The following PTPRO variants were observed in gnomAD, a reference collection of about 807,000 sequenced individuals.
PTPRO encodes the protein receptor-type tyrosine-protein phosphatase O.
A neutral mutation model predicts 145.2 loss-of-function variants in PTPRO; 62 were observed. The observed-to-expected ratio is 0.43, with a 90% confidence interval of 0.35 to 0.53. PTPRO has a LOEUF of 0.53. PTPRO is among the 20% of genes least tolerant of loss of function. The pLI, the probability that PTPRO is intolerant of heterozygous loss-of-function variation, is 0.01. For missense variants in PTPRO, 1,345 were observed against 1,482.7 expected (o/e 0.91, Z 1.53); for synonymous variants, 565 against 514.7 (o/e 1.10, Z -1.32).
intron 12 of PTPRO, among the ~76,000 whole-genome samples, chr12:15,538,204 A>G (rs1943105014): frequency 1.3e-5 from 2 of 149,846 alleles, no homozygotes; most frequent in African/African-American, 4.9e-5. Context: ...TGGTTTGTCA[A>G]CTGCCCAGAG....
chr12:15,364,153 A>C (rs1370488118), intron 1 of PTPRO, among the ~76,000 whole-genome samples: 1 of 152,200 alleles, frequency 6.6e-6, no homozygotes, highest in Non-Finnish European at 1.5e-5. Context: ...TATGATGTAT[A>C]AAATATTTTG....
At chr12:15,411,273 T>C (rs1939790823) in intron 1 of PTPRO, among the ~76,000 whole-genome samples, 1 of 152,220 alleles carries the variant, frequency 6.6e-6, no homozygotes, top group Admixed American at 6.5e-5. Context: ...TATTTGCCTG[T>C]TTTTCTCCAT....
At chr12:15,556,916 C>T (rs1943642129) in intron 15 of PTPRO, among the ~76,000 whole-genome samples, 1 of 151,966 alleles carries the variant, frequency 6.6e-6, no homozygotes, top group South Asian at 2.1e-4. Flanking sequence ...TTCTTTTGGC[C>T]TCAAATAATT....
At chr12:15,412,415 G>T (rs1476587278) in intron 1 of PTPRO, among the ~76,000 whole-genome samples, 1 of 152,116 alleles carries the variant, frequency 6.6e-6, no homozygotes, top group African/African-American at 2.4e-5. Flanking sequence ...TGGGGTCATT[G>T]GATAAGTTAC....
At chr12:15,325,552 T>C (rs1472610782) in intron 1 of PTPRO, among the ~76,000 whole-genome samples, 1 of 152,140 alleles carries the variant, frequency 6.6e-6, no homozygotes, top group Non-Finnish European at 1.5e-5. Context: ...GTATATAAAA[T>C]AGAAGAAAAA....
At chr12:15,496,142 G>GTTTTTTTTTTTTTTTTTTTTT (rs71042255) in intron 2 of PTPRO, among the ~76,000 whole-genome samples, 60 of 75,352 alleles carry the variant, frequency 8.0e-4, no homozygotes, top group Non-Finnish European at 8.7e-4. Context: ...TTCTTTTTTT[G>GTTTTTTTTTTTTTTTTTTTTT]TTTTTTTTTT....
intron 1 of PTPRO, among the ~76,000 whole-genome samples, chr12:15,461,191 G>C (rs1234478230): frequency 6.6e-6 from 1 of 152,124 alleles, no homozygotes; most frequent in Non-Finnish European, 1.5e-5. Context: ...TCTTAACCCA[G>C]ACATTTCTTT....
chr12:15,377,722 C>T (rs1359127080), intron 1 of PTPRO, among the ~76,000 whole-genome samples: 1 of 151,930 alleles, frequency 6.6e-6, no homozygotes, highest in East Asian at 1.9e-4. Context: ...GACTATTTTA[C>T]AAGATAGACA....
At chr12:15,548,182 T>C (rs534462650) in intron 13 of PTPRO, among the ~76,000 whole-genome samples, 1 of 150,140 alleles carries the variant, frequency 6.7e-6, no homozygotes, top group South Asian at 2.1e-4. Flanking sequence ...AGATGAAAAC[T>C]TCAGCAACCT....
In PTPRO at chr12:15,345,265, GTATCAC is replaced by G. The variant is rs58464118; in HGVS notation, c.75+22467_75+22472del. Reference sequence around the variant, plus strand: ...AATTGTCTGTGTCAATTATTTTATAGTATCACTACATATTTAAAAGATACTATAAAG... The same window carrying G: ...AATTGTCTGTGTCAATTATTTTATAGTACATATTTAAAAGATACTATAAAG... On this transcript the variant is annotated intron_variant, in intron 1 of 26. Transcript: ENST00000281171. Among the ~76,000 whole-genome samples the G allele has an allele frequency of 4.6e-3, 706 of 152,208 alleles. 5 individuals are homozygous for G. Among genetic ancestry groups the G allele is most frequent in the African/African-American group, 0.016 (669 of 41,530 alleles).
intron 1 of PTPRO, among the ~76,000 whole-genome samples, chr12:15,449,671 A>G (rs1940997305): frequency 6.6e-6 from 1 of 152,246 alleles, no homozygotes; most frequent in Admixed American, 6.5e-5. Flanking sequence ...ATGGCTATGT[A>G]TAGCAAAACC....
chr12:15,593,092 T>G (rs967906426), intron 25 of PTPRO, among the ~76,000 whole-genome samples: 5 of 152,224 alleles, frequency 3.3e-5, no homozygotes, highest in African/African-American at 7.2e-5. Context: ...ATTCCCTGTG[T>G]TGACATAACA....
chr12:15,432,338 A>AT (rs111823642), intron 1 of PTPRO, among the ~76,000 whole-genome samples: 3 of 152,066 alleles, frequency 2.0e-5, no homozygotes, highest in Non-Finnish European at 4.4e-5. Context: ...TGATTGCATT[A>AT]TTTTTTACTG....
chr12:15,533,517 G>A (rs1943004021), intron 12 of PTPRO, among the ~76,000 whole-genome samples: 1 of 152,126 alleles, frequency 6.6e-6, no homozygotes, highest in African/African-American at 2.4e-5. Context: ...AACAGATACT[G>A]TTGAATGAAT....
chr12:15,436,791 G>C (rs1182932559), intron 1 of PTPRO, among the ~76,000 whole-genome samples: 1 of 152,166 alleles, frequency 6.6e-6, no homozygotes, highest in Admixed American at 6.5e-5. Context: ...TCTGGAGTGG[G>C]GTGGGGGCCT....
chr12:15,508,188 A>T (rs1257737172), intron 6 of PTPRO, among the ~76,000 whole-genome samples: 2 of 152,212 alleles, frequency 1.3e-5, no homozygotes, highest in African/African-American at 2.4e-5. Context: ...CAAAGTAATT[A>T]TTCCTAGAGA....
intron 19 of PTPRO, among the ~76,000 whole-genome samples, chr12:15,572,896 A>G (rs56946090): frequency 0.043 from 6,581 of 152,230 alleles, 432 homozygotes; most frequent in African/African-American, 0.15. Context: ...ACAGTATTTT[A>G]TGGAAGAGGG....
rs575318155 is a variant in PTPRO at position 15,379,216 on chromosome 12, C to T, written c.75+56415C>T. On this transcript the variant is annotated intron_variant, in intron 1 of 26. Transcript: ENST00000281171. ...TTTTTCAAAATGGTCAAAATCGGGA[C>T]CAATCAAAGATGAATGGAGAGGACC... is the stretch of plus-strand genomic sequence containing the variant. Among the ~76,000 whole-genome samples the T allele has an allele frequency of 7.9e-5, 12 of 151,916 alleles. No homozygotes were observed. In the East Asian group the frequency reaches 2.3e-3, roughly 29 times the overall value.
At position 15,580,069 on chromosome 12, in the gene PTPRO, T is replaced by C. The variant is rs746051171; in HGVS notation, c.2951T>C (p.Met984Thr). 8 of 1,613,218 alleles carry C rather than the reference T, an allele frequency of 5.0e-6. No individual in the cohort carries two copies. Among genetic ancestry groups the C allele is most frequent in the Middle Eastern group, 1.7e-4 (1 of 6,054 alleles). The change falls in exon 21 of 27, where the codon ATG becomes ACG. Residue 984 changes from methionine (M) to threonine (T), a missense_variant. Met to Thr is a moderately conservative substitution (Grantham distance 81, BLOSUM62 -1). Transcript: ENST00000281171. ...YDFSRVRLVS[M>T]NEEEGADYIN... ...TTCAGCCGTGTGAGATTAGTCTCCA[T>C]GAATGAAGAGGAAGGTGCAGACTAC...
Sources: allele counts gnomAD v4.1 joint callset (sites outside exome capture counted in the v4.1 genomes callset), GRCh38; gene constraint gnomAD v4.1.1; transcripts MANE v1.5; gene names NCBI Gene and HGNC (gene_info 2026-07-23, HGNC 2026-07-21).